KCNJ3: variants seen among roughly 807,000 people sequenced by gnomAD.
The protein encoded by KCNJ3 is G protein-activated inward rectifier potassium channel 1.
Under a neutral mutation model 39.2 loss-of-function variants are expected in KCNJ3, and 4 were observed. The observed-to-expected ratio is 0.10, with a 90% CI of 0.05 to 0.23. The LOEUF is 0.23. Ranked by LOEUF, KCNJ3 falls within the 10% of genes least tolerant of loss-of-function variation. The pLI is 1.00. For missense variants in KCNJ3, 276 were observed against 634.9 expected (o/e 0.43, Z 6.08); for synonymous variants, 230 against 237.4 (o/e 0.97, Z 0.29).
chr2:154,728,249 A>T (rs759852868), intron 2 of KCNJ3, among the ~76,000 whole-genome samples: 101 of 152,154 alleles, frequency 6.6e-4, no homozygotes, highest in Non-Finnish European at 1.6e-4. Context: ...CGGTAAAATT[A>T]CTGATACTCT....
intron 2 of KCNJ3, among the ~76,000 whole-genome samples, chr2:154,812,848 C>T (rs530772380): frequency 4.6e-5 from 7 of 151,866 alleles, no homozygotes; most frequent in South Asian, 4.2e-4. Flanking sequence ...TGAATAAAGC[C>T]GGAAAAAGGG....
At chr2:154,759,842 G>T (rs1363437185) in intron 2 of KCNJ3, among the ~76,000 whole-genome samples, 1 of 152,136 alleles carries the variant, frequency 6.6e-6, no homozygotes, top group Non-Finnish European at 1.5e-5. Context: ...CCACTGGATA[G>T]TCTTGCATGT....
Position 154,728,797 on chromosome 2 carries a change from C to T in KCNJ3, c.919+18978C>T, listed in dbSNP as rs559206743. ...GTGGGATTCTGGGCCAGTTGAATAA[C>T]TTCCCCTGGCCTTGGTATCTTCATA... On this transcript the variant is annotated intron_variant, in intron 2 of 2. Coordinates refer to ENST00000295101, the MANE Select transcript of KCNJ3 (RefSeq NM_002239.4). 3.9e-5 allele frequency among the ~76,000 whole-genome samples: 6 copies of T among 152,236 alleles called. No homozygotes were observed. The South Asian group carries it at 1.2e-3, about 32-fold the overall frequency.
At chr2:154,737,707 C>T (rs534116124) in intron 2 of KCNJ3, among the ~76,000 whole-genome samples, 1 of 152,038 alleles carries the variant, frequency 6.6e-6, no homozygotes, top group Non-Finnish European at 1.5e-5. Context: ...TTAAACATTG[C>T]AGAAGGAAAG....
chr2:154,848,385 C>T (rs967811449), intron 2 of KCNJ3, among the ~76,000 whole-genome samples: 3 of 152,016 alleles, frequency 2.0e-5, no homozygotes, highest in Non-Finnish European at 4.4e-5. Flanking sequence ...ACCTATATAG[C>T]ACACTATTTG....
At chr2:154,814,506 A>C (rs531578465) in intron 2 of KCNJ3, among the ~76,000 whole-genome samples, 1 of 152,038 alleles carries the variant, frequency 6.6e-6, no homozygotes, top group East Asian at 1.9e-4. Flanking sequence ...GTGTGGTGGC[A>C]GGAGCCTGTA....
At chr2:154,707,117 AC>A (rs1685023472) in intron 1 of KCNJ3, among the ~76,000 whole-genome samples, 1 of 152,168 alleles carries the variant, frequency 6.6e-6, no homozygotes, top group African/African-American at 2.4e-5. Flanking sequence ...CTGGATACAT[AC>A]GTAAAGAATT....
Position 154,855,601 on chromosome 2 carries a change from A to T in KCNJ3, c.*288A>T. 5.9e-6 allele frequency: 1 copy of T among 169,106 alleles called. No individual in the cohort carries two copies. The highest frequency in any genetic ancestry group is 1.4e-4 in the East Asian group (1 of 7,036). 10.5% of individuals were successfully genotyped at this position (169,106 alleles called of 1,614,324 possible). A position where few individuals can be genotyped will look rare whatever the true frequency, so the allele number is the denominator to read the frequency against. ...GGCATGATTTATATATGGCATATTTATATTGTATATTCTGGAAAAAAAATA... is the reference window on the plus strand; with the variant it reads ...GGCATGATTTATATATGGCATATTTTTATTGTATATTCTGGAAAAAAAATA... On this transcript the variant is annotated 3_prime_UTR_variant, in exon 3 of 3. Coordinates refer to ENST00000295101, the MANE Select transcript of KCNJ3 (RefSeq NM_002239.4).
rs755336430 is a variant in KCNJ3 at position 154,857,803 on chromosome 2, C to T, written c.*2490C>T. On this transcript the variant is annotated 3_prime_UTR_variant, in exon 3 of 3. Transcript: ENST00000295101. Reference sequence around the variant, plus strand: ...AGCTGAGGCAGGAGAATCGTTTGAACCTGGGAGGCGGAGGTTGCAGTGAGC... The same window carrying T: ...AGCTGAGGCAGGAGAATCGTTTGAATCTGGGAGGCGGAGGTTGCAGTGAGC... The T allele has an allele frequency of 8.5e-5, 12 of 140,496 alleles. No homozygotes were observed. Among genetic ancestry groups the T allele is most frequent in the Admixed American group, 1.5e-4 (2 of 13,238 alleles). 8.7% of individuals were successfully genotyped at this position (140,496 alleles called of 1,614,324 possible). A position where few individuals can be genotyped will look rare whatever the true frequency, so the allele number is the denominator to read the frequency against.
rs2591159 is a variant in KCNJ3, at chr2:154,857,797, T to C, written c.*2484T>C. ...TGGGGAAGCTGAGGCAGGAGAATCG[T>C]TTGAACCTGGGAGGCGGAGGTTGCA... On this transcript the variant is annotated 3_prime_UTR_variant, in exon 3 of 3. Coordinates refer to ENST00000295101, the MANE Select transcript of KCNJ3 (RefSeq NM_002239.4). The C allele has an allele frequency of 0.66, 97,463 of 148,282 alleles. 33,878 individuals carry two copies. Among genetic ancestry groups the C allele is most frequent in the East Asian group, 0.93 (4,719 of 5,066 alleles). The allele number at this position is 148,282 out of a possible 1,614,324, so 9.2% of individuals were successfully genotyped here.
intron 2 of KCNJ3, among the ~76,000 whole-genome samples, chr2:154,844,169 C>CTGTT (rs1214174594): frequency 5.3e-5 from 8 of 152,172 alleles, no homozygotes; most frequent in Admixed American, 1.3e-4. Context: ...CTATTCCTTT[C>CTGTT]TGTTTGTTAG....
chr2:154,722,376 A>G (rs1292412713), intron 2 of KCNJ3, among the ~76,000 whole-genome samples: 1 of 152,198 alleles, frequency 6.6e-6, no homozygotes, highest in African/African-American at 2.4e-5. Context: ...GGGATGGATG[A>G]GATCACAGTT....
intron 2 of KCNJ3, among the ~76,000 whole-genome samples, chr2:154,808,361 G>T (rs1361417364): frequency 6.6e-6 from 1 of 151,732 alleles, no homozygotes; most frequent in Non-Finnish European, 1.5e-5. Flanking sequence ...GATTACAGGG[G>T]TGAGCCACCA....
chr2:154,725,339 A>G (rs1258870680), intron 2 of KCNJ3, among the ~76,000 whole-genome samples: 3 of 150,660 alleles, frequency 2.0e-5, no homozygotes, highest in Non-Finnish European at 4.4e-5. Context: ...TTTTGGGAAG[A>G]TATCTTTTCT....
At chr2:154,725,157 A>G (rs1447277582) in intron 2 of KCNJ3, among the ~76,000 whole-genome samples, 2 of 151,396 alleles carry the variant, frequency 1.3e-5, no homozygotes, top group Non-Finnish European at 2.9e-5. Context: ...TGAAAATAAT[A>G]TCTTTCACAT....
chr2:154,704,510 G>A (rs1162046225), intron 1 of KCNJ3, among the ~76,000 whole-genome samples: 1 of 152,074 alleles, frequency 6.6e-6, no homozygotes, highest in African/African-American at 2.4e-5. Flanking sequence ...TCATAAAATT[G>A]AACATATTTT....
At position 154,855,272 on chromosome 2, in the gene KCNJ3, C is replaced by A; in HGVS notation, c.1465C>A (p.Pro489Thr). The change falls in exon 3 of 3, where the codon CCA (proline) becomes ACA (threonine). Residue 489 changes from proline to threonine, a missense_variant. Physicochemically the swap from Pro to Thr is conservative, Grantham distance 38 (BLOSUM62 -1). Transcript: ENST00000295101. Reference sequence around the variant, plus strand: ...AGCAGCTAGGATGGAAGGGAACCTTCCAGCCAAATTAAGAAAAATGAACTC... The same window carrying A: ...AGCAGCTAGGATGGAAGGGAACCTTACAGCCAAATTAAGAAAAATGAACTC... ...GGAARMEGNL[P>T]AKLRKMNSDR... The A allele has an allele frequency of 6.2e-7, 1 of 1,609,188 alleles. No homozygotes were observed. Among genetic ancestry groups the A allele is most frequent in the Non-Finnish European group, 8.5e-7 (1 of 1,178,712 alleles).
chr2:154,733,604 T>C (rs1263599592), intron 2 of KCNJ3, among the ~76,000 whole-genome samples: 1 of 152,196 alleles, frequency 6.6e-6, no homozygotes, highest in Non-Finnish European at 1.5e-5. Context: ...CTTCTTGTCT[T>C]GAATTGAAAG....
chr2:154,852,621 ACTTTT>A (rs914358121), intron 2 of KCNJ3, among the ~76,000 whole-genome samples: 7 of 152,056 alleles, frequency 4.6e-5, no homozygotes, highest in Middle Eastern at 3.2e-3. Context: ...TATTCTAGAT[ACTTTT>A]CTTTATCTTT....
Sources: gnomAD v4.1 joint callset for allele counts (sites outside exome capture counted in the v4.1 genomes callset) on GRCh38, gnomAD v4.1.1 for gene constraint, MANE v1.5 for transcripts, NCBI Gene and HGNC (gene_info 2026-07-23, HGNC 2026-07-21) for gene names.